The following FNDC3B variants were observed in gnomAD, a reference collection of about 807,000 sequenced individuals.
FNDC3B encodes the protein fibronectin type III domain containing 3B, also known as fibronectin type III domain-containing protein 3B.
A neutral mutation model predicts 151.5 loss-of-function variants in FNDC3B; 12 were observed. The ratio of observed to expected loss-of-function variants is 0.08; its 90% CI spans 0.05 to 0.13. The LOEUF (loss-of-function observed/expected upper bound fraction) is 0.13, where lower values mean the gene tolerates loss of function less well. Ranked by LOEUF, FNDC3B falls within the 10% of genes least tolerant of loss-of-function variation. The probability of loss-of-function intolerance (pLI) is 1.00; values close to 1 mark genes in which losing one functional copy is unlikely to be tolerated. For synonymous variants in FNDC3B, 528 were observed against 549.0 expected (o/e 0.96, Z 0.54); for missense variants, 1,214 against 1,505.3 (o/e 0.81, Z 3.20).
At chr3:172,168,643 A>G (rs1429483262) in intron 3 of FNDC3B, among the ~76,000 whole-genome samples, 3 of 152,008 alleles carry the variant, frequency 2.0e-5, no homozygotes, top group Admixed American at 6.6e-5. Flanking sequence ...AAGTGTTGCT[A>G]TATATCTATG....
At chr3:172,185,988 G>C (rs9841862) in intron 3 of FNDC3B, among the ~76,000 whole-genome samples, 59,684 of 151,986 alleles carry the variant, frequency 0.39, 11,887 homozygotes, top group African/African-American at 0.4. Context: ...TAATAAAAAG[G>C]AGCGTTAATA....
chr3:172,097,801 G>A (rs1438729148), intron 1 of FNDC3B, among the ~76,000 whole-genome samples: 1 of 152,054 alleles, frequency 6.6e-6, no homozygotes, highest in African/African-American at 2.4e-5. Flanking sequence ...ACTAGTAAAT[G>A]GTATTATTTA....
chr3:172,235,184 C>T (rs147394018), intron 4 of FNDC3B, among the ~76,000 whole-genome samples: 114 of 152,082 alleles, frequency 7.5e-4, no homozygotes, highest in African/African-American at 2.6e-3. Flanking sequence ...CTAGTAACTA[C>T]AATAATTTTG....
chr3:172,304,374 C>T (rs763078689), intron 9 of FNDC3B, among the ~76,000 whole-genome samples: 29 of 152,208 alleles, frequency 1.9e-4, no homozygotes, highest in Non-Finnish European at 3.5e-4. Flanking sequence ...CCTGGGTATA[C>T]TTCTGCATTT....
chr3:172,316,000 CTTTTTTTTT>C (rs555242809), intron 11 of FNDC3B, among the ~76,000 whole-genome samples: 6 of 79,884 alleles, frequency 7.5e-5, no homozygotes, highest in Non-Finnish European at 1.3e-4. Context: ...CTTTCTTCTT[CTTTTTTTTT>C]TTTTTTTTTT....
intron 7 of FNDC3B, among the ~76,000 whole-genome samples, chr3:172,287,613 A>G (rs1730095145): frequency 6.6e-6 from 1 of 152,150 alleles, no homozygotes; most frequent in Non-Finnish European, 1.5e-5. Context: ...CAGCGGGTTC[A>G]CTCATGGCCC....
intron 7 of FNDC3B, among the ~76,000 whole-genome samples, chr3:172,288,737 C>T (rs1049069158): frequency 6.6e-6 from 1 of 152,180 alleles, no homozygotes; most frequent in African/African-American, 2.4e-5. Flanking sequence ...TGCCAAAATA[C>T]TACACCCTAC....
intron 1 of FNDC3B, among the ~76,000 whole-genome samples, chr3:172,049,572 G>C (rs1039764871): frequency 2.0e-5 from 3 of 151,984 alleles, no homozygotes; most frequent in African/African-American, 7.3e-5. Flanking sequence ...TTATTGTCCA[G>C]GGTGGAGTGC....
At chr3:172,253,419 C>T (rs1728180331) in intron 6 of FNDC3B, among the ~76,000 whole-genome samples, 1 of 152,198 alleles carries the variant, frequency 6.6e-6, no homozygotes, top group African/African-American at 2.4e-5. Context: ...AAGTGGCTCA[C>T]AATGTTTCAG....
Position 172,369,802 on chromosome 3 carries a change from G to A in FNDC3B, c.3008+6957G>A, listed in dbSNP as rs1356731217. ...ATCTGCTTCTCCATAGACATGGTCG[G>A]ACTCTGTGTTCTTGGCAGAGTGAGG... On this transcript the variant is annotated intron_variant, in intron 23 of 25. Transcript: ENST00000415807. Among the ~76,000 whole-genome samples, 3 of 152,090 alleles carry A rather than the reference G, an allele frequency of 2.0e-5. No homozygotes were observed. In the East Asian group the frequency reaches 5.8e-4, roughly 29 times the overall value.
At chr3:172,254,245 T>C (rs781569655) in intron 6 of FNDC3B, among the ~76,000 whole-genome samples, 2 of 152,212 alleles carry the variant, frequency 1.3e-5, no homozygotes, top group Non-Finnish European at 2.9e-5. Flanking sequence ...ATTTCTCTCT[T>C]GAGGTCTAGT....
chr3:172,066,612 C>T (rs1465319647), intron 1 of FNDC3B, among the ~76,000 whole-genome samples: 4 of 152,184 alleles, frequency 2.6e-5, no homozygotes, highest in African/African-American at 9.7e-5. Context: ...TCACAAGGCT[C>T]AGATTAAGAC....
chr3:172,280,231 A>G (rs1729640220), intron 6 of FNDC3B, among the ~76,000 whole-genome samples: 1 of 152,088 alleles, frequency 6.6e-6, no homozygotes, highest in South Asian at 2.1e-4. Flanking sequence ...ACACATTCTT[A>G]ATATTGTTTT....
intron 2 of FNDC3B, among the ~76,000 whole-genome samples, chr3:172,124,771 C>G (rs1336639912): frequency 6.6e-6 from 1 of 152,178 alleles, no homozygotes; most frequent in African/African-American, 2.4e-5. Context: ...GAAACAGTGG[C>G]TTTTAATGGA....
intron 3 of FNDC3B, among the ~76,000 whole-genome samples, chr3:172,180,790 G>A (rs1723850399): frequency 6.6e-6 from 1 of 152,188 alleles, no homozygotes; most frequent in South Asian, 2.1e-4. Flanking sequence ...TATAAAATAT[G>A]CCTGGATTTG....
rs1381704880 is a variant in FNDC3B, at chr3:172,266,580, G to T, written c.790+15039G>T. On this transcript the variant is annotated intron_variant, in intron 6 of 25. Coordinates refer to ENST00000415807, the MANE Select transcript of FNDC3B (RefSeq NM_022763.4). ...TTGCCCAGGTGAAATCAAGGTATTG[G>T]TAGGCCCGAGCTCCCTCCGGAGGCT... Among the ~76,000 whole-genome samples, 5 of 152,312 alleles carry T rather than the reference G, an allele frequency of 3.3e-5. No individual in the cohort carries two copies. In the South Asian group the frequency reaches 1.0e-3, roughly 32 times the overall value.
At chr3:172,123,391 A>C (rs889401244) in intron 2 of FNDC3B, among the ~76,000 whole-genome samples, 2 of 95,096 alleles carry the variant, frequency 2.1e-5, no homozygotes, top group African/African-American at 5.4e-5. Context: ...AGAAGTTGAT[A>C]ATTTTTTTTT....
chr3:172,209,298 C>G (rs1195800459), intron 3 of FNDC3B, among the ~76,000 whole-genome samples: 5 of 152,152 alleles, frequency 3.3e-5, no homozygotes. Context: ...TTAGCTGCCG[C>G]CCACAGCTGG....
chr3:172,093,788 G>A (rs1576856231), intron 1 of FNDC3B, among the ~76,000 whole-genome samples: 6 of 152,278 alleles, frequency 3.9e-5, no homozygotes, highest in Middle Eastern at 6.8e-3. Flanking sequence ...GGAGAATTTC[G>A]TGAGAATACA....
Sources: allele counts gnomAD v4.1 joint callset (sites outside exome capture counted in the v4.1 genomes callset), GRCh38; gene constraint gnomAD v4.1.1; transcripts MANE v1.5; gene names NCBI Gene and HGNC (gene_info 2026-07-23, HGNC 2026-07-21).